PCDH9: variants seen among roughly 807,000 people sequenced by gnomAD.
PCDH9 encodes protocadherin 9, also known as protocadherin-9.
Under a neutral mutation model 70.6 loss-of-function variants are expected in PCDH9, and 24 were observed. The ratio of observed to expected loss-of-function variants is 0.34; its 90% CI spans 0.25 to 0.48. The LOEUF (loss-of-function observed/expected upper bound fraction) is 0.48. PCDH9 is among the 20% of genes least tolerant of loss of function. The pLI is 0.99. For missense variants in PCDH9, 1,281 were observed against 1,503.6 expected (o/e 0.85, Z 2.45); for synonymous variants, 562 against 558.5 (o/e 1.01, Z -0.09).
chr13:67,153,914 G>C (rs939384918), intron 2 of PCDH9, among the ~76,000 whole-genome samples: 1 of 152,180 alleles, frequency 6.6e-6, no homozygotes, highest in African/African-American at 2.4e-5. Context: ...TCTCATCTGG[G>C]CTTGCGACCT....
intron 3 of PCDH9, among the ~76,000 whole-genome samples, chr13:66,845,585 G>A (rs2081193815): frequency 6.6e-6 from 1 of 152,178 alleles, no homozygotes; most frequent in African/African-American, 2.4e-5. Context: ...GCCCCCAAGT[G>A]CACAGGGATG....
At chr13:66,910,412 G>A (rs181544506) in intron 2 of PCDH9, among the ~76,000 whole-genome samples, 1 of 152,298 alleles carries the variant, frequency 6.6e-6, no homozygotes. Context: ...GTTGTTGCAA[G>A]TGGGTCACTT....
chr13:66,897,377 T>G (rs2082200562), intron 3 of PCDH9, among the ~76,000 whole-genome samples: 1 of 152,118 alleles, frequency 6.6e-6, no homozygotes, highest in Non-Finnish European at 1.5e-5. Context: ...AAGTCTCAAC[T>G]TTGTGTTTGT....
At chr13:66,902,122 G>GA (rs1473802940) in intron 3 of PCDH9, among the ~76,000 whole-genome samples, 5 of 151,408 alleles carry the variant, frequency 3.3e-5, no homozygotes, top group African/African-American at 9.7e-5. Context: ...CAGTGAAGAG[G>GA]AAAAAATCAA....
rs58553968 is a variant in PCDH9, at chr13:66,871,430, T to TAA, written c.3138+32072_3138+32073dup. ...AATAAAAATAAAAAATAAATAAAATTAAAAAAAATCAAAGTCCTGTTCACA... is the reference window on the plus strand; with the variant it reads ...AATAAAAATAAAAAATAAATAAAATTAAAAAAAAAATCAAAGTCCTGTTCACA... On this transcript the variant is annotated intron_variant, in intron 3 of 4. Transcript: ENST00000377865. 8.6e-3 allele frequency among the ~76,000 whole-genome samples: 1,298 copies of TAA among 150,652 alleles called. 12 individuals carry two copies. The highest frequency in any genetic ancestry group is 0.027 in the African/African-American group (1,110 of 41,080).
chr13:66,568,738 C>T (rs2076689466), intron 4 of PCDH9, among the ~76,000 whole-genome samples: 1 of 150,794 alleles, frequency 6.6e-6, no homozygotes, highest in African/African-American at 2.4e-5. Context: ...CACTTTAACA[C>T]TCAATGTAAG....
At chr13:67,209,939 T>C (rs1441489932) in intron 2 of PCDH9, 2 of 152,094 alleles carry the variant, frequency 1.3e-5, no homozygotes, top group South Asian at 4.1e-4. Flanking sequence ...ATAAAATCAG[T>C]GGGCACCATT....
At chr13:67,108,202 T>G (rs1193872837) in intron 2 of PCDH9, among the ~76,000 whole-genome samples, 1 of 152,022 alleles carries the variant, frequency 6.6e-6, no homozygotes, top group African/African-American at 2.4e-5. Flanking sequence ...GTGAGTGGAG[T>G]AAGCCCAGCA....
intron 3 of PCDH9, among the ~76,000 whole-genome samples, chr13:66,744,514 C>G (rs1489865297): frequency 2.0e-5 from 3 of 152,158 alleles, no homozygotes; most frequent in Non-Finnish European, 2.9e-5. Flanking sequence ...CTTCCAGCAT[C>G]TACCACACAC....
At chr13:66,428,708 T>A (rs527974121) in intron 4 of PCDH9, among the ~76,000 whole-genome samples, 9 of 151,792 alleles carry the variant, frequency 5.9e-5, no homozygotes, top group African/African-American at 2.2e-4. Context: ...ACGAGATATT[T>A]AGGGTAAATG....
At chr13:67,174,234 T>A (rs192645168) in intron 2 of PCDH9, among the ~76,000 whole-genome samples, 2 of 151,918 alleles carry the variant, frequency 1.3e-5, no homozygotes, top group East Asian at 3.9e-4. Context: ...ATATATTACT[T>A]ATAGCAGATA....
intron 2 of PCDH9, among the ~76,000 whole-genome samples, chr13:67,186,979 A>G (rs1034049821): frequency 2.0e-5 from 3 of 152,170 alleles, no homozygotes; most frequent in African/African-American, 7.2e-5. Flanking sequence ...TTTAACAGCA[A>G]CTTACAAGTA....
At chr13:67,065,254 C>T (rs566039077) in intron 2 of PCDH9, among the ~76,000 whole-genome samples, 1 of 152,154 alleles carries the variant, frequency 6.6e-6, no homozygotes, top group Admixed American at 6.5e-5. Context: ...CATGGCTGAG[C>T]ATTTTTTTAA....
At chr13:67,075,985 T>C (rs2085870264) in intron 2 of PCDH9, among the ~76,000 whole-genome samples, 1 of 152,152 alleles carries the variant, frequency 6.6e-6, no homozygotes, top group Admixed American at 6.6e-5. Flanking sequence ...AGTACATTAT[T>C]AGATTTAGTT....
chr13:66,378,024 A>G (rs1956780223), intron 4 of PCDH9, among the ~76,000 whole-genome samples: 1 of 152,216 alleles, frequency 6.6e-6, no homozygotes, highest in African/African-American at 2.4e-5. Flanking sequence ...GGTGTAATAG[A>G]TTAAAATCTA....
At chr13:67,115,072 A>C (rs1215783681) in intron 2 of PCDH9, among the ~76,000 whole-genome samples, 1 of 152,204 alleles carries the variant, frequency 6.6e-6, no homozygotes, top group Non-Finnish European at 1.5e-5. Context: ...ATAATAGTAC[A>C]TAGCAGGGGT....
chr13:67,074,322 C>T (rs1352830715), intron 2 of PCDH9, among the ~76,000 whole-genome samples: 3 of 152,088 alleles, frequency 2.0e-5, no homozygotes, highest in South Asian at 2.1e-4. Flanking sequence ...CAGATGAGGA[C>T]ACAACAGATA....
At chr13:67,096,065 T>C (rs2086313104) in intron 2 of PCDH9, among the ~76,000 whole-genome samples, 1 of 152,222 alleles carries the variant, frequency 6.6e-6, no homozygotes. Flanking sequence ...ATATAGTTAA[T>C]ATCTTATAGA....
intron 3 of PCDH9, among the ~76,000 whole-genome samples, chr13:66,761,122 G>T (rs985289120): frequency 2.0e-5 from 3 of 152,006 alleles, no homozygotes; most frequent in Non-Finnish European, 4.4e-5. Flanking sequence ...TGTGATCTCT[G>T]CGACCCACAC....
Sources: gnomAD v4.1 joint callset for allele counts (sites outside exome capture counted in the v4.1 genomes callset) on GRCh38, gnomAD v4.1.1 for gene constraint, MANE v1.5 for transcripts, NCBI Gene and HGNC (gene_info 2026-07-23, HGNC 2026-07-21) for gene names.